The following CHM variants were observed in gnomAD, a reference collection of about 807,000 sequenced individuals.
CHM encodes CHM Rab escort protein.
CHM carries 10 observed loss-of-function variants against 49.0 expected under a neutral mutation model. That is an observed-to-expected ratio of 0.20 (90% CI 0.13 to 0.35). The LOEUF is 0.35. Among genes scored for constraint, CHM ranks in the 10% least tolerant of loss-of-function variants. The pLI is 1.00. For synonymous variants in CHM, 184 were observed against 167.5 expected, an observed-to-expected ratio of 1.10 and a Z score of -0.76; for missense variants, 455 against 478.4, an observed-to-expected ratio of 0.95 and a Z score of 0.46.
chrX:85,989,862 A>G (rs1273519529), intron 2 of CHM, among the ~76,000 whole-genome samples: 1 of 112,122 alleles, frequency 8.9e-6, no homozygotes, highest in Non-Finnish European at 1.9e-5. Context: ...GCAAGGTTGC[A>G]GAGAAAAGGG....
chrX:86,023,909 C>T (rs370202307), intron 2 of CHM, among the ~76,000 whole-genome samples: 37 of 111,091 alleles, frequency 3.3e-4, no homozygotes, highest in South Asian at 2.6e-3. Flanking sequence ...GCTGGAGATA[C>T]AAAGATGAAT....
At chrX:85,895,990 G>A (rs1925804493) in intron 11 of CHM, among the ~76,000 whole-genome samples, 1 of 107,228 alleles carries the variant, frequency 9.3e-6, no homozygotes, top group South Asian at 4.2e-4. Flanking sequence ...TGAACTCTGA[G>A]AAGTTAACTG....
chrX:85,981,820 T>TAAAAAAAAA lies in CHM; in HGVS notation c.117-20_117-12dup. 1.3e-5 allele frequency: 12 copies of TAAAAAAAAA among 949,853 alleles called. No individual in the cohort carries two copies. Among genetic ancestry groups the TAAAAAAAAA allele is most frequent in the East Asian group, 3.6e-5 (1 of 28,050 alleles). The allele number at this position is 949,853 out of a possible 1,213,427, so 78.3% of individuals were successfully genotyped here. A position where few individuals can be genotyped will look rare whatever the true frequency, so the allele number is the denominator to read the frequency against. On this transcript the variant is annotated splice_polypyrimidine_tract_variant and intron_variant, in intron 2 of 14. Coordinates refer to ENST00000357749, the MANE Select transcript of CHM (RefSeq NM_000390.4). ...CCATAGTAGCTTCTTCTGTAACAAT[T>TAAAAAAAAA]AAAAAAAAAAAAAAAAGTAAAGAAA...
intron 2 of CHM, among the ~76,000 whole-genome samples, chrX:86,007,348 G>A (rs1932883325): frequency 1.8e-5 from 2 of 111,746 alleles, no homozygotes; most frequent in Non-Finnish European, 1.9e-5. Context: ...ACATAGGCAT[G>A]GGCAAGGACT....
intron 8 of CHM, among the ~76,000 whole-genome samples, chrX:85,915,710 G>A (rs1008166327): frequency 1.8e-5 from 2 of 111,738 alleles, no homozygotes; most frequent in African/African-American, 6.5e-5. Flanking sequence ...GCCACAAAAT[G>A]AATAAACTAC....
intron 4 of CHM, among the ~76,000 whole-genome samples, chrX:85,967,050 G>A (rs963492020): frequency 2.1e-4 from 23 of 111,522 alleles, no homozygotes; most frequent in African/African-American, 3.9e-4. Context: ...CTAGCACTAC[G>A]GAAAACACAA....
chrX:85,929,663 T>C (rs1242475122), intron 8 of CHM, among the ~76,000 whole-genome samples: 2 of 112,327 alleles, frequency 1.8e-5, no homozygotes, highest in Non-Finnish European at 1.9e-5. Flanking sequence ...CCCGAATTTA[T>C]AGTCAATTCC....
At chrX:86,019,766 A>T (rs1032543320) in intron 2 of CHM, 5 of 112,043 alleles carry the variant, frequency 4.5e-5, no homozygotes, top group African/African-American at 1.6e-4. Flanking sequence ...ACAGTATAGT[A>T]AGCAAGAAAG....
At chrX:86,030,050 C>G (rs1460414073) in intron 1 of CHM, among the ~76,000 whole-genome samples, 1 of 112,015 alleles carries the variant, frequency 8.9e-6, no homozygotes, top group Non-Finnish European at 1.9e-5. Flanking sequence ...TAAAATTACT[C>G]GCCTCCATTT....
At chrX:86,030,295 T>C (rs1742180598) in intron 1 of CHM, among the ~76,000 whole-genome samples, 4 of 112,728 alleles carry the variant, frequency 3.5e-5, no homozygotes. Flanking sequence ...CATAAGCTGT[T>C]CTAATGTTAA....
In CHM at chrX:85,964,023, G is replaced by T; in HGVS notation, c.344C>A (p.Ala115Asp). The T allele has an allele frequency of 8.3e-7, 1 of 1,208,586 alleles. No homozygotes were observed. The highest frequency in any genetic ancestry group is 1.1e-6 in the Non-Finnish European group (1 of 893,988). The change falls in exon 5 of 15, where the codon GCT (alanine) becomes GAT (aspartate). Residue 115 changes from alanine (A) to aspartate (D), a missense_variant. Coordinates refer to ENST00000357749, the MANE Select transcript of CHM (RefSeq NM_000390.4). ...AGCATGATTTTTCTGCAGTGCACCA[G>T]CTTCTTCGACATCTTCATGCAAATC... The part of the protein sequence containing the change: ...SQDLHEDVEE[A>D]GALQKNHALV...
At chrX:86,011,117 C>T (rs1221610698) in intron 2 of CHM, among the ~76,000 whole-genome samples, 1 of 111,680 alleles carries the variant, frequency 9.0e-6, no homozygotes, top group Non-Finnish European at 1.9e-5. Flanking sequence ...ATATTCCAGG[C>T]ACTCTTAGGC....
At chrX:85,881,103 A>G (rs1416513613) in intron 12 of CHM, among the ~76,000 whole-genome samples, 1 of 112,100 alleles carries the variant, frequency 8.9e-6, no homozygotes, top group Non-Finnish European at 1.9e-5. Context: ...GTGGGTATTC[A>G]ATAAATGTTA....
At chrX:85,916,104 T>C (rs767951748) in intron 8 of CHM, among the ~76,000 whole-genome samples, 149 of 111,005 alleles carry the variant, frequency 1.3e-3, no homozygotes, top group Non-Finnish European at 2.5e-3. Flanking sequence ...AACAGACACA[T>C]AGACCAATGG....
rs768528761 is a variant in CHM, at chrX:85,963,753, T to C, written c.614A>G (p.Asp205Gly). The C allele has an allele frequency of 8.3e-7, 1 of 1,209,078 alleles. No homozygotes were observed. The highest frequency in any genetic ancestry group is 1.7e-5 in the African/African-American group (1 of 57,292). ...DMSENVPIAE[D>G]TTEQPKKNRI... ...GTTTTTCTTTGGTTGCTCTGTGGTA[T>C]CTTCTGCTATAGGCACATTTTCACT... Residue 205 changes from aspartate to glycine, a missense_variant, in exon 5 of 15, where the codon GAT becomes GGT. Asp to Gly is a moderately conservative substitution (Grantham distance 94, BLOSUM62 -1). Coordinates refer to ENST00000357749, the MANE Select transcript of CHM (RefSeq NM_000390.4).
rs1747241688 is a variant in CHM at position 85,864,646 on chromosome X, T to A, written c.1946A>T (p.Glu649Val). 2 of 1,208,078 alleles carry A rather than the reference T, an allele frequency of 1.7e-6. No homozygotes were observed. The highest frequency in any genetic ancestry group is 1.7e-5 in the African/African-American group (1 of 57,149). The change falls in exon 15 of 15, where the codon GAG (glutamate) becomes GTG (valine). Residue 649 changes from glutamate to valine, a missense_variant. Coordinates refer to ENST00000357749, the MANE Select transcript of CHM (RefSeq NM_000390.4). ...GTATATCCATTATTCAGAGGACTCC[T>A]CTAGGTTTCCAAGGTTTGTGCTTTC... ...FKESTNLGNLEESSE is the reference protein window; with the variant it reads ...FKESTNLGNLVESSE
chrX:86,002,204 G>A (rs1276238727), intron 2 of CHM, among the ~76,000 whole-genome samples: 1 of 112,055 alleles, frequency 8.9e-6, no homozygotes, highest in South Asian at 3.7e-4. Flanking sequence ...TGGAACCTGG[G>A]CAAACCTGTG....
intron 2 of CHM, among the ~76,000 whole-genome samples, chrX:86,008,740 G>A (rs1209001137): frequency 9.0e-6 from 1 of 111,280 alleles, no homozygotes; most frequent in African/African-American, 3.3e-5. Context: ...GTCTCTGTTG[G>A]AACTAGTCAA....
intron 5 of CHM, among the ~76,000 whole-genome samples, chrX:85,962,592 T>C (rs1930351527): frequency 8.9e-6 from 1 of 111,991 alleles, no homozygotes; most frequent in Non-Finnish European, 1.9e-5. Flanking sequence ...GTACATTAAA[T>C]TGAAAAGCCT....
Sources: gnomAD v4.1 joint callset for allele counts (sites outside exome capture counted in the v4.1 genomes callset) on GRCh38, gnomAD v4.1.1 for gene constraint, MANE v1.5 for transcripts, NCBI Gene and HGNC (gene_info 2026-07-23, HGNC 2026-07-21) for gene names.